The following PKHD1 variants were observed in gnomAD, a reference collection of about 807,000 sequenced individuals.
The protein encoded by PKHD1 is PKHD1 ciliary IPT domain containing fibrocystin/polyductin, also known as fibrocystin.
Under a neutral mutation model 412.0 loss-of-function variants are expected in PKHD1, and 291 were observed. That is an observed-to-expected ratio of 0.71 (90% confidence interval 0.64 to 0.78). The LOEUF is 0.78. PKHD1 is among the 30% of genes least tolerant of loss of function. PKHD1 has a pLI of 0.00. For synonymous variants in PKHD1, 1,777 were observed against 1,821.5 expected, an observed-to-expected ratio of 0.98 and a Z score of 0.62; for missense variants, 4,825 against 4,950.7, an observed-to-expected ratio of 0.97 and a Z score of 0.76.
At chr6:51,857,243 T>G (rs1478615885) in intron 48 of PKHD1, among the ~76,000 whole-genome samples, 1 of 152,138 alleles carries the variant, frequency 6.6e-6, no homozygotes, top group Non-Finnish European at 1.5e-5. Context: ...ACATTATGAC[T>G]GTTCTTCCTC....
In PKHD1 at chr6:51,960,022, T is replaced by C. The variant is rs937217679; in HGVS notation, c.5756A>G (p.Asn1919Ser). The C allele has an allele frequency of 3.7e-6, 6 of 1,613,146 alleles. No individual in the cohort carries two copies. The highest frequency in any genetic ancestry group is 1.3e-5 in the African/African-American group (1 of 74,836). Reference sequence around the variant, plus strand: ...TCTCCGGCAGAACTGTAAAGAAAAGTTGCCCTGGAAAACAGAGAGCTGGGT... The same window carrying C: ...TCTCCGGCAGAACTGTAAAGAAAAGCTGCCCTGGAAAACAGAGAGCTGGGT... The part of the protein sequence containing the change: ...RKRWGQNTQG[N>S]FSLQFCRRWS... Residue 1919 changes from asparagine to serine, a missense_variant, in exon 36 of 67, where the codon AAC (asparagine) becomes AGC (serine). Physicochemically the swap from Asn to Ser is conservative, Grantham distance 46. Coordinates refer to ENST00000371117, the MANE Select transcript of PKHD1 (RefSeq NM_138694.4).
At chr6:51,997,543 A>G (rs908170729) in intron 35 of PKHD1, among the ~76,000 whole-genome samples, 1 of 152,228 alleles carries the variant, frequency 6.6e-6, no homozygotes, top group Non-Finnish European at 1.5e-5. Context: ...TATATTCTTT[A>G]TTTGAGGAAA....
chr6:52,065,512 A>G (rs1337406567), intron 12 of PKHD1, among the ~76,000 whole-genome samples: 1 of 152,036 alleles, frequency 6.6e-6, no homozygotes, highest in Non-Finnish European at 1.5e-5. Context: ...CTGCTACAGG[A>G]CCTGGCAAAA....
At chr6:52,049,063 A>C (rs960997626) in intron 22 of PKHD1, among the ~76,000 whole-genome samples, 6 of 152,204 alleles carry the variant, frequency 3.9e-5, no homozygotes, top group African/African-American at 1.4e-4. Flanking sequence ...TATGAGAAAA[A>C]GATGAGAGAA....
At chr6:52,050,025 A>G in intron 22 of PKHD1, 132 bp downstream of exon 22, 5 of 826,154 alleles carry the variant, frequency 6.1e-6, no homozygotes, top group Non-Finnish European at 1.0e-5. Context: ...CTGGTGCTGC[A>G]TTCTCAAGAT....
chr6:51,911,657 A>T lies in PKHD1; in HGVS notation c.6490+142T>A. On this transcript the variant is annotated intron_variant, in intron 39 of 66. Transcript: ENST00000371117. ...GAAATGACAATCAAGAGCATTCTGA[A>T]AACTACAGAAAAGTATGGGCATCCA... 3 of 722,964 alleles carry T rather than the reference A, an allele frequency of 4.1e-6. No individual in the cohort carries two copies. The South Asian group carries it at 4.8e-5, about 12-fold the overall frequency. The allele number at this position is 722,964 out of a possible 1,614,324, so 44.8% of individuals were successfully genotyped here. A position where few individuals can be genotyped will look rare whatever the true frequency, so the allele number is the denominator to read the frequency against.
intron 55 of PKHD1, among the ~76,000 whole-genome samples, chr6:51,758,243 T>C (rs942539070): frequency 2.0e-5 from 3 of 152,130 alleles, no homozygotes; most frequent in Non-Finnish European, 2.9e-5. Context: ...ACTCCTGAAG[T>C]CTTTCGGGTT....
intron 60 of PKHD1, among the ~76,000 whole-genome samples, chr6:51,702,349 A>G (rs1013888410): frequency 2.0e-5 from 3 of 151,786 alleles, no homozygotes; most frequent in South Asian, 4.1e-4. Flanking sequence ...CAAACATTGT[A>G]TGATCTCACT....
intron 66 of PKHD1, among the ~76,000 whole-genome samples, chr6:51,625,049 C>T (rs1331171115): frequency 1.3e-5 from 2 of 152,158 alleles, no homozygotes; most frequent in African/African-American, 4.8e-5. Context: ...GGGATGTATA[C>T]TTTACTATCT....
chr6:51,730,561 T>C (rs183317690), intron 60 of PKHD1, among the ~76,000 whole-genome samples: 2 of 152,342 alleles, frequency 1.3e-5, no homozygotes, highest in Non-Finnish European at 2.9e-5. Context: ...AACATATTTA[T>C]TTCTAGAATA....
chr6:51,948,594 G>T (rs1300866276), intron 36 of PKHD1, among the ~76,000 whole-genome samples: 1 of 152,080 alleles, frequency 6.6e-6, no homozygotes, highest in East Asian at 1.9e-4. Flanking sequence ...GGCCTGTTTT[G>T]TTCACAGCCA....
intron 36 of PKHD1, among the ~76,000 whole-genome samples, chr6:51,938,597 C>T (rs935827238): frequency 4.0e-5 from 6 of 149,362 alleles, no homozygotes; most frequent in Admixed American, 1.4e-4. Context: ...ACTCTCTTTT[C>T]GGACTCAGCC....
chr6:51,764,467 G>C (rs572519892), intron 55 of PKHD1, among the ~76,000 whole-genome samples: 28 of 146,156 alleles, frequency 1.9e-4, no homozygotes, highest in Admixed American at 6.3e-4. Context: ...CTGTTGGTGG[G>C]ACTGTAAACT....
intron 46 of PKHD1, among the ~76,000 whole-genome samples, chr6:51,880,934 C>G (rs1260649125): frequency 1.3e-5 from 2 of 149,654 alleles, no homozygotes; most frequent in East Asian, 3.9e-4. Flanking sequence ...CCACTGCACT[C>G]CAGCCTGGGC....
intron 52 of PKHD1, among the ~76,000 whole-genome samples, chr6:51,810,561 T>C (rs1022210300): frequency 6.6e-6 from 1 of 152,310 alleles, no homozygotes; most frequent in African/African-American, 2.4e-5. Flanking sequence ...ATCTTCTCCT[T>C]CTTCAGCCCA....
At chr6:51,676,247 G>GAA (rs1775828575) in intron 60 of PKHD1, among the ~76,000 whole-genome samples, 1 of 14,208 alleles carries the variant, frequency 7.0e-5, no homozygotes. Context: ...AAAATTAAAA[G>GAA]AAAAGAAAAA....
chr6:51,724,051 T>C (rs1301059609), intron 60 of PKHD1, among the ~76,000 whole-genome samples: 1 of 152,138 alleles, frequency 6.6e-6, no homozygotes, highest in Admixed American at 6.6e-5. Flanking sequence ...AAGAATCTTA[T>C]CAACTAATCA....
intron 55 of PKHD1, among the ~76,000 whole-genome samples, chr6:51,759,453 T>C (rs1392474266): frequency 2.0e-5 from 3 of 152,082 alleles, no homozygotes; most frequent in Non-Finnish European, 2.9e-5. Context: ...GGGGAATTAG[T>C]AGTAACCTCC....
intron 55 of PKHD1, among the ~76,000 whole-genome samples, chr6:51,766,753 T>C (rs1789113347): frequency 1.3e-5 from 2 of 151,890 alleles, no homozygotes; most frequent in South Asian, 2.1e-4. Flanking sequence ...CAGGGAGGGA[T>C]AGCATTAGGA....
Sources: allele counts gnomAD v4.1 joint callset (sites outside exome capture counted in the v4.1 genomes callset), GRCh38; gene constraint gnomAD v4.1.1; transcripts MANE v1.5; gene names NCBI Gene and HGNC (gene_info 2026-07-23, HGNC 2026-07-21).